CDK6: variants seen among roughly 807,000 people sequenced by gnomAD.
The protein encoded by CDK6 is cyclin dependent kinase 6, also known as cyclin-dependent kinase 6.
Under a neutral mutation model 37.1 loss-of-function variants are expected in CDK6, and 6 were observed. That is an observed-to-expected ratio of 0.16 (90% confidence interval 0.09 to 0.32). The LOEUF (loss-of-function observed/expected upper bound fraction) is 0.32, where lower values mean the gene tolerates loss of function less well. Among genes scored for constraint, CDK6 ranks in the 10% least tolerant of loss-of-function variants. The pLI is 1.00. For synonymous variants in CDK6, 160 were observed against 161.3 expected, an observed-to-expected ratio of 0.99 and a Z score of 0.06; for missense variants, 224 against 418.9, an observed-to-expected ratio of 0.53 and a Z score of 4.06.
At chr7:92,760,108 G>C (rs1164750216) in intron 3 of CDK6, among the ~76,000 whole-genome samples, 1 of 151,992 alleles carries the variant, frequency 6.6e-6, no homozygotes, top group African/African-American at 2.4e-5. Flanking sequence ...GTAAAAATAG[G>C]CTTGCAACTT....
chr7:92,805,743 G>A lies in CDK6; in HGVS notation c.233+27348C>T, dbSNP rs542162082. Among the ~76,000 whole-genome samples, 169 of 152,308 alleles carry A rather than the reference G, an allele frequency of 1.1e-3. 1 individual carries two copies. Among genetic ancestry groups the A allele is most frequent in the Non-Finnish European group, 9.7e-4 (66 of 68,014 alleles). Reference sequence around the variant, plus strand: ...GAACCCCTGTTCCAGGAGACCAGAAGTGTAATGATTCTCATGAACCTTGTT... The same window carrying A: ...GAACCCCTGTTCCAGGAGACCAGAAATGTAATGATTCTCATGAACCTTGTT... On this transcript the variant is annotated intron_variant, in intron 2 of 7. Transcript: ENST00000424848.
rs1350286183 is a variant in CDK6, at chr7:92,618,140, A to C, written c.766T>G (p.Ser256Ala). The change falls in exon 7 of 8, where the codon TCA becomes GCA. Residue 256 changes from serine to alanine, a missense_variant. By Grantham distance (99) the Ser-to-Ala change is moderately conservative (BLOSUM62 1). This residue lies in a region of CDK6 where 90 missense variants were observed against 136.2 expected (regional missense o/e 0.66). Transcript: ENST00000424848. The stretch of plus-strand genomic sequence containing the variant: ...TTCTCAATTGGTTGGGCAGATTTTG[A>C]ATGAAAAGCCTGCCTGGGAAGGGCA... Reference protein sequence around the residue: ...DVALPRQAFHSKSAQPIEKFV... With the variant: ...DVALPRQAFHAKSAQPIEKFV... 1.2e-6 allele frequency: 2 copies of C among 1,614,124 alleles called. No homozygotes were observed. The highest frequency in any genetic ancestry group is 1.7e-6 in the Non-Finnish European group (2 of 1,179,960).
At chr7:92,649,155 C>T (rs1796513234) in intron 5 of CDK6, among the ~76,000 whole-genome samples, 2 of 152,160 alleles carry the variant, frequency 1.3e-5, no homozygotes, top group South Asian at 2.1e-4. Flanking sequence ...AGCCCTGAGT[C>T]ACAGAAACCT....
At chr7:92,836,419 A>G (rs1340962761) in intron 1 of CDK6, 59 bp downstream of exon 1, 1 of 72,114 alleles carries the variant, frequency 1.4e-5, no homozygotes, top group Admixed American at 1.4e-4. Flanking sequence ...CCAATCCCCC[A>G]GATCTCCCCC....
intron 3 of CDK6, among the ~76,000 whole-genome samples, chr7:92,764,034 T>C (rs113194583): frequency 1.2e-4 from 19 of 152,296 alleles, no homozygotes; most frequent in African/African-American, 4.1e-4. Context: ...TACTCATTTT[T>C]GCAAAATCTG....
At chr7:92,783,781 C>T (rs1033076248) in intron 2 of CDK6, among the ~76,000 whole-genome samples, 115 of 152,288 alleles carry the variant, frequency 7.6e-4, no homozygotes, top group African/African-American at 2.6e-3. Flanking sequence ...TCCTACCACA[C>T]GATCAGCAAC....
intron 4 of CDK6, among the ~76,000 whole-genome samples, chr7:92,677,759 C>T (rs1241822061): frequency 6.6e-6 from 1 of 152,176 alleles, no homozygotes; most frequent in Non-Finnish European, 1.5e-5. Context: ...TCTATAATTT[C>T]TGAACCACAG....
At chr7:92,816,813 G>T in intron 2 of CDK6, among the ~76,000 whole-genome samples, 1 of 151,842 alleles carries the variant, frequency 6.6e-6, no homozygotes, top group East Asian at 1.9e-4. Flanking sequence ...AACTCTATCT[G>T]TATGTCAAGA....
At chr7:92,690,916 G>A (rs1426176418) in intron 4 of CDK6, among the ~76,000 whole-genome samples, 2 of 152,136 alleles carry the variant, frequency 1.3e-5, no homozygotes, top group Non-Finnish European at 2.9e-5. Context: ...TATTACAGAT[G>A]TAGATGGTGA....
chr7:92,831,097 A>G (rs1205465816), intron 2 of CDK6, among the ~76,000 whole-genome samples: 2 of 152,242 alleles, frequency 1.3e-5, no homozygotes, highest in Non-Finnish European at 2.9e-5. Context: ...ACGTAAAAAT[A>G]ATTTTAGAAA....
chr7:92,789,728 G>T (rs1014329873), intron 2 of CDK6, among the ~76,000 whole-genome samples: 4 of 152,094 alleles, frequency 2.6e-5, no homozygotes, highest in Admixed American at 2.0e-4. Context: ...CTGTGGCAGG[G>T]ATTTAATATA....
At chr7:92,732,824 C>T (rs551932528) in intron 3 of CDK6, among the ~76,000 whole-genome samples, 7 of 152,304 alleles carry the variant, frequency 4.6e-5, no homozygotes, top group East Asian at 1.9e-4. Context: ...TCCTCACCCA[C>T]GTCTTATACT....
intron 2 of CDK6, among the ~76,000 whole-genome samples, chr7:92,776,647 T>G (rs1156798769): frequency 6.6e-6 from 1 of 152,258 alleles, no homozygotes; most frequent in East Asian, 1.9e-4. Flanking sequence ...GATTTGCATT[T>G]CTCTAATGAA....
intron 4 of CDK6, among the ~76,000 whole-genome samples, chr7:92,714,314 A>C (rs1455224648): frequency 6.6e-6 from 1 of 152,170 alleles, no homozygotes; most frequent in Non-Finnish European, 1.5e-5. Context: ...CGGAAGCATA[A>C]AATCTAATGG....
In CDK6 at chr7:92,608,082, A is replaced by T. The variant is rs42031; in HGVS notation, c.*7058T>A. The stretch of plus-strand genomic sequence containing the variant: ...TACAACGGGTATCTTCAGAACTTTA[A>T]CCTAAGCACATCAACGGAATTTTTC... On this transcript the variant is annotated 3_prime_UTR_variant, in exon 8 of 8. Transcript: ENST00000424848. 0.17 allele frequency: 40,188 copies of T among 233,000 alleles called. 3,806 individuals are homozygous for T. Among genetic ancestry groups the T allele is most frequent in the Middle Eastern group, 0.21 (165 of 780 alleles). The allele number at this position is 233,000 out of a possible 1,614,324, so 14.4% of individuals were successfully genotyped here.
At chr7:92,672,735 T>C (rs1797119663) in intron 4 of CDK6, among the ~76,000 whole-genome samples, 1 of 152,170 alleles carries the variant, frequency 6.6e-6, no homozygotes. Context: ...ATTATTCAGA[T>C]CCCTTTTATC....
chr7:92,818,601 C>G (rs1175018780), intron 2 of CDK6, among the ~76,000 whole-genome samples: 1 of 151,680 alleles, frequency 6.6e-6, no homozygotes, highest in Non-Finnish European at 1.5e-5. Context: ...ATGAATTGGA[C>G]TTAGGTTAAA....
chr7:92,729,179 T>C (rs1160041662), intron 3 of CDK6, among the ~76,000 whole-genome samples: 1 of 152,204 alleles, frequency 6.6e-6, no homozygotes, highest in Non-Finnish European at 1.5e-5. Context: ...CAAAGGACTC[T>C]CTACGTAAGC....
chr7:92,719,655 T>C (rs1798320188), intron 4 of CDK6, among the ~76,000 whole-genome samples: 1 of 152,174 alleles, frequency 6.6e-6, no homozygotes, highest in African/African-American at 2.4e-5. Context: ...ACTATACAGG[T>C]GTGTTTGGCA....
Sources: allele counts gnomAD v4.1 joint callset (sites outside exome capture counted in the v4.1 genomes callset), GRCh38; gene constraint gnomAD v4.1.1; regional missense constraint gnomAD v4.1.1; transcripts MANE v1.5; gene names NCBI Gene and HGNC (gene_info 2026-07-23, HGNC 2026-07-21).